The following PMS1 variants were observed in gnomAD, a reference collection of about 807,000 sequenced individuals.
The protein encoded by PMS1 is PMS1 homolog 1, mismatch repair system component.
PMS1 carries 79 observed loss-of-function variants against 93.1 expected under a neutral mutation model. That is an observed-to-expected ratio of 0.85 (90% CI 0.71 to 1.02). PMS1 has a LOEUF of 1.02. Among genes scored for constraint, PMS1 ranks in the 50% least tolerant of loss-of-function variants. PMS1 has a pLI of 0.00. For missense variants in PMS1, 1,064 were observed against 1,085.3 expected (o/e 0.98, Z 0.28); for synonymous variants, 335 against 363.4 (o/e 0.92, Z 0.89).
At chr2:189,865,192 T>C (rs2056537940) in intron 10 of PMS1, among the ~76,000 whole-genome samples, 2 of 152,096 alleles carry the variant, frequency 1.3e-5, no homozygotes, top group Admixed American at 6.6e-5. Context: ...TTTTTTCCAG[T>C]TTTTTAAAAA....
chr2:189,833,825 T>G (rs531527152), intron 5 of PMS1, among the ~76,000 whole-genome samples: 2 of 152,202 alleles, frequency 1.3e-5, no homozygotes. Flanking sequence ...TTATTTGTTA[T>G]AGGAAGTGCT....
rs1048521987 is a variant in PMS1 at position 189,818,296 on chromosome 2, T to G, written c.582+116T>G. 3 of 716,674 alleles carry G rather than the reference T, an allele frequency of 4.2e-6. No homozygotes were observed. The African/African-American group carries it at 5.4e-5, about 13-fold the overall frequency. 44.4% of individuals were successfully genotyped at this position (716,674 alleles called of 1,614,324 possible). A position where few individuals can be genotyped will look rare whatever the true frequency, so the allele number is the denominator to read the frequency against. ...AAATGTTTGTGTGCCCTCACAAAAT[T>G]TATTTGTTGAAAACCTAACCACCAT... On this transcript the variant is annotated intron_variant, in intron 5 of 12. Transcript: ENST00000441310.
chr2:189,830,605 A>C (rs184286707), intron 5 of PMS1, among the ~76,000 whole-genome samples: 120 of 152,242 alleles, frequency 7.9e-4, no homozygotes, highest in Non-Finnish European at 1.4e-3. Context: ...AATTTCCTTG[A>C]AGGGAAGGAC....
intron 10 of PMS1, among the ~76,000 whole-genome samples, chr2:189,867,337 G>A (rs1031050705): frequency 1.3e-5 from 2 of 152,152 alleles, no homozygotes; most frequent in South Asian, 4.2e-4. Context: ...TAGACTGAAG[G>A]AAGCTCTCCC....
chr2:189,871,354 A>T (rs1328989817), intron 11 of PMS1, among the ~76,000 whole-genome samples: 3 of 152,218 alleles, frequency 2.0e-5, no homozygotes, highest in Non-Finnish European at 2.9e-5. Flanking sequence ...GATGTTTAAA[A>T]AAATTTACAA....
intron 9 of PMS1, among the ~76,000 whole-genome samples, chr2:189,863,389 G>A (rs1346255295): frequency 6.6e-6 from 1 of 152,000 alleles, no homozygotes; most frequent in Non-Finnish European, 1.5e-5. Flanking sequence ...GAGTAGCTGG[G>A]ACTACAAGTG....
intron 3 of PMS1, among the ~76,000 whole-genome samples, chr2:189,798,601 T>C (rs1467508268): frequency 6.6e-6 from 1 of 152,140 alleles, no homozygotes; most frequent in East Asian, 1.9e-4. Flanking sequence ...AGACTATAAA[T>C]GGGAATCCAC....
At chr2:189,801,402 T>G (rs568233275) in intron 3 of PMS1, among the ~76,000 whole-genome samples, 2 of 152,312 alleles carry the variant, frequency 1.3e-5, no homozygotes, top group South Asian at 4.1e-4. Context: ...TGGGTTGAAA[T>G]AGAGAGAGTG....
chr2:189,829,296 T>G (rs2052719854), intron 5 of PMS1, among the ~76,000 whole-genome samples: 1 of 152,192 alleles, frequency 6.6e-6, no homozygotes, highest in Non-Finnish European at 1.5e-5. Flanking sequence ...GACCTTGTCA[T>G]TGCCCAAAAC....
intron 4 of PMS1, chr2:189,806,230 A>G (rs1175574264): frequency 7.6e-6 from 2 of 263,772 alleles, no homozygotes; most frequent in Non-Finnish European, 1.5e-5. Flanking sequence ...TCAATAATTT[A>G]TCAATTCATT....
At chr2:189,858,280 G>A (rs543694448) in intron 9 of PMS1, among the ~76,000 whole-genome samples, 1 of 152,092 alleles carries the variant, frequency 6.6e-6, no homozygotes, top group East Asian at 1.9e-4. Flanking sequence ...CTCAGTTGAC[G>A]TTAGCTTGAA....
rs533986634 is a variant in PMS1, at chr2:189,832,430, G to A, written c.583-11534G>A. Among the ~76,000 whole-genome samples, 13 of 152,190 alleles carry A rather than the reference G, an allele frequency of 8.5e-5. 1 individual carries two copies. The East Asian group carries it at 2.5e-3, about 29-fold the overall frequency. The stretch of plus-strand genomic sequence containing the variant: ...ATGAGCAATTGCCTCAGGGTTCAAA[G>A]ACTGAAGAACTTATCAGCAAGGCTG... On this transcript the variant is annotated intron_variant, in intron 5 of 12. Coordinates refer to ENST00000441310, the MANE Select transcript of PMS1 (RefSeq NM_000534.5).
intron 5 of PMS1, among the ~76,000 whole-genome samples, chr2:189,834,902 T>A (rs1001653368): frequency 2.0e-5 from 3 of 151,906 alleles, no homozygotes; most frequent in African/African-American, 7.3e-5. Flanking sequence ...GCTAATTTTT[T>A]AATTTTTTGT....
chr2:189,856,681 G>C (rs2055371465), intron 9 of PMS1, among the ~76,000 whole-genome samples: 1 of 152,078 alleles, frequency 6.6e-6, no homozygotes, highest in African/African-American at 2.4e-5. Context: ...AGAATTGTCT[G>C]AGAATAGGAA....
intron 4 of PMS1, among the ~76,000 whole-genome samples, chr2:189,815,274 G>T (rs910081618): frequency 6.6e-5 from 10 of 152,220 alleles, no homozygotes; most frequent in African/African-American, 2.4e-4. Context: ...GGTTGTGTAG[G>T]ACAGTGTAAG....
chr2:189,792,723 AAAAT>A (rs991408050), intron 2 of PMS1, among the ~76,000 whole-genome samples: 1 of 145,644 alleles, frequency 6.9e-6, no homozygotes, highest in African/African-American at 2.5e-5. Context: ...ATATATATGT[AAAAT>A]AAAATCCCTT....
rs5743109 is a variant in PMS1, at chr2:189,842,366, G to A, written c.583-1598G>A. Among the ~76,000 whole-genome samples, 648 of 152,134 alleles carry A rather than the reference G, an allele frequency of 4.3e-3. 2 individuals are homozygous for A. Among genetic ancestry groups the A allele is most frequent in the African/African-American group, 0.014 (577 of 41,508 alleles). ...TTGATGTTTTCTCCCAAGCCCTTTG[G>A]ACAGTTTCCTCCAGACTTAGGAATT... On this transcript the variant is annotated intron_variant, in intron 5 of 12. Coordinates refer to ENST00000441310, the MANE Select transcript of PMS1 (RefSeq NM_000534.5).
chr2:189,846,522 A>C (rs542734925), intron 6 of PMS1, among the ~76,000 whole-genome samples: 85 of 151,730 alleles, frequency 5.6e-4, no homozygotes, highest in Non-Finnish European at 9.3e-4. Context: ...TCAAAAAAAA[A>C]AAACAAACTA....
chr2:189,828,087 C>T (rs1290207999), intron 5 of PMS1, among the ~76,000 whole-genome samples: 1 of 148,242 alleles, frequency 6.7e-6, no homozygotes, highest in East Asian at 1.9e-4. Flanking sequence ...CCACGCCCGG[C>T]TAATTTTTTG....
Sources: allele counts gnomAD v4.1 joint callset (sites outside exome capture counted in the v4.1 genomes callset), GRCh38; gene constraint gnomAD v4.1.1; transcripts MANE v1.5; gene names NCBI Gene and HGNC (gene_info 2026-07-23, HGNC 2026-07-21).